BBOX1: variants seen among roughly 807,000 people sequenced by gnomAD.
BBOX1 encodes gamma-butyrobetaine hydroxylase 1.
A neutral mutation model predicts 41.6 loss-of-function variants in BBOX1; 35 were observed. The observed-to-expected ratio is 0.84, with a 90% CI of 0.64 to 1.11. The LOEUF (loss-of-function observed/expected upper bound fraction) is 1.11, where lower values mean the gene tolerates loss of function less well. BBOX1 is among the 50% of genes most tolerant of loss of function. The pLI is 0.00. For synonymous variants in BBOX1, 163 were observed against 154.7 expected (o/e 1.05, Z -0.40); for missense variants, 458 against 460.6 (o/e 0.99, Z 0.05).
chr11:27,078,263 C>T (rs1490983737), intron 4 of BBOX1, among the ~76,000 whole-genome samples: 1 of 152,146 alleles, frequency 6.6e-6, no homozygotes, highest in Non-Finnish European at 1.5e-5. Flanking sequence ...GGCATCACTT[C>T]ACTGGTAACA....
chr11:27,052,564 C>T (rs1410050891), intron 2 of BBOX1, among the ~76,000 whole-genome samples: 1 of 152,064 alleles, frequency 6.6e-6, no homozygotes, highest in Non-Finnish European at 1.5e-5. Context: ...TTGTTCCAGC[C>T]AAACAACATG....
At chr11:27,077,047 G>A (rs754997559) in intron 4 of BBOX1, among the ~76,000 whole-genome samples, 3 of 152,082 alleles carry the variant, frequency 2.0e-5, no homozygotes, top group Non-Finnish European at 4.4e-5. Flanking sequence ...CCCAGCTCCT[G>A]CACCTGTGGC....
At chr11:27,046,338 A>C (rs1364360617) in intron 2 of BBOX1, 1 of 152,126 alleles carries the variant, frequency 6.6e-6, no homozygotes, top group Non-Finnish European at 1.5e-5. Context: ...TTTCAAAAAC[A>C]AGCAATTTAC....
chr11:27,083,865 C>G (rs2134021235), intron 4 of BBOX1, among the ~76,000 whole-genome samples: 1 of 152,206 alleles, frequency 6.6e-6, no homozygotes, highest in South Asian at 2.1e-4. Flanking sequence ...ATAATGAGGA[C>G]TGGGACTGAG....
At chr11:27,052,487 G>T (rs1564952813) in intron 2 of BBOX1, among the ~76,000 whole-genome samples, 1 of 152,000 alleles carries the variant, frequency 6.6e-6, no homozygotes, top group African/African-American at 2.4e-5. Flanking sequence ...GCTATGCATG[G>T]TGCTTCATGA....
intron 4 of BBOX1, among the ~76,000 whole-genome samples, chr11:27,081,390 C>T (rs1221865353): frequency 2.0e-5 from 3 of 152,046 alleles, no homozygotes; most frequent in Non-Finnish European, 2.9e-5. Context: ...TGAACTCATC[C>T]TTTTTTATGG....
At chr11:27,053,814 T>A (rs1475857498) in intron 2 of BBOX1, among the ~76,000 whole-genome samples, 1 of 152,174 alleles carries the variant, frequency 6.6e-6, no homozygotes, top group East Asian at 1.9e-4. Context: ...AGTAATAGTG[T>A]TCTCCTACCA....
chr11:27,115,375 C>A, intron 5 of BBOX1, 77 bp from the exon 6 acceptor site: 2 of 1,144,690 alleles, frequency 1.7e-6, no homozygotes, highest in Admixed American at 2.5e-5. Context: ...TTTCTCCCCA[C>A]ATATCAAATT....
intron 4 of BBOX1, among the ~76,000 whole-genome samples, chr11:27,060,021 G>A (rs1023892676): frequency 2.0e-5 from 3 of 152,168 alleles, no homozygotes; most frequent in African/African-American, 7.2e-5. Flanking sequence ...AGGCATGACT[G>A]TATTTTGCAA....
chr11:27,074,499 T>A (rs1373049622), intron 4 of BBOX1, among the ~76,000 whole-genome samples: 1 of 152,102 alleles, frequency 6.6e-6, no homozygotes, highest in African/African-American at 2.4e-5. Flanking sequence ...GCTGAGGTAG[T>A]CTCAGATGGA....
chr11:27,085,547 A>T (rs936634671), intron 4 of BBOX1, among the ~76,000 whole-genome samples: 1 of 132,956 alleles, frequency 7.5e-6, no homozygotes, highest in Non-Finnish European at 1.6e-5. Flanking sequence ...GTCCAGCCAC[A>T]TTCCCCCATC....
intron 7 of BBOX1, 39 bp from the exon 8 acceptor site, chr11:27,125,615 T>A (rs1212993006): frequency 7.1e-7 from 1 of 1,409,178 alleles, no homozygotes; most frequent in South Asian, 1.5e-5. Context: ...AATAGATATT[T>A]CATGAATTAT....
At chr11:27,125,580 A>T (rs1257612975) in intron 7 of BBOX1, 74 bp from the exon 8 acceptor site, 1 of 1,220,716 alleles carries the variant, frequency 8.2e-7, no homozygotes. Context: ...ATATATTTGA[A>T]GAGGAATTGA....
In BBOX1 at chr11:27,115,561, A is replaced by AG. The variant is rs3214719; in HGVS notation, c.639+5dup. ...AGCCCTCCATCATCCACCTGGGGTA[A>AG]GTGAGCTTCAACATATTTTCCACAA... On this transcript the variant is annotated splice_donor_region_variant and intron_variant, in intron 6 of 8. Coordinates refer to ENST00000263182, the MANE Select transcript of BBOX1 (RefSeq NM_003986.3). 64,572 of 1,603,420 alleles carry AG rather than the reference A, an allele frequency of 0.04. 1,672 individuals are homozygous for AG. The highest frequency in any genetic ancestry group is 0.1 in the South Asian group (9,160 of 90,352).
intron 5 of BBOX1, among the ~76,000 whole-genome samples, chr11:27,095,065 T>C (rs147183910): frequency 6.6e-5 from 10 of 151,974 alleles, no homozygotes; most frequent in Non-Finnish European, 8.8e-5. Context: ...TGCCCACAGA[T>C]AGTAATAAAG....
chr11:27,126,715 G>T (rs562315344), intron 8 of BBOX1, among the ~76,000 whole-genome samples: 5 of 138,186 alleles, frequency 3.6e-5, no homozygotes, highest in African/African-American at 1.1e-4. Flanking sequence ...TTGCTCTGTC[G>T]CCCAGGCTGG....
intron 8 of BBOX1, among the ~76,000 whole-genome samples, chr11:27,126,677 CT>C (rs66505246): frequency 0.48 from 61,593 of 127,424 alleles, 13,629 homozygotes; most frequent in East Asian, 0.64. Flanking sequence ...TCTTTTTTTT[CT>C]TTTTTTTTTT....
chr11:27,071,045 G>C (rs1239649535), intron 4 of BBOX1, among the ~76,000 whole-genome samples: 1 of 151,990 alleles, frequency 6.6e-6, no homozygotes, highest in African/African-American at 2.4e-5. Flanking sequence ...AGTTTTGCAG[G>C]ATACAAAATT....
At chr11:27,126,400 G>A (rs1859652703) in intron 8 of BBOX1, among the ~76,000 whole-genome samples, 1 of 152,130 alleles carries the variant, frequency 6.6e-6, no homozygotes, top group Non-Finnish European at 1.5e-5. Context: ...CATGTAAAAT[G>A]AAAACATTAT....
Sources: allele counts gnomAD v4.1 joint callset (sites outside exome capture counted in the v4.1 genomes callset), GRCh38; gene constraint gnomAD v4.1.1; transcripts MANE v1.5; gene names NCBI Gene and HGNC (gene_info 2026-07-23, HGNC 2026-07-21).